Variants in DLG2 observed in about 807,000 individuals in gnomAD.
DLG2 encodes the protein discs large MAGUK scaffold protein 2.
In DLG2, 45 loss-of-function variants were observed where a neutral mutation model predicts 132.5. The observed-to-expected ratio is 0.34, with a 90% confidence interval of 0.27 to 0.44. The LOEUF is 0.44. DLG2 is among the 20% of genes least tolerant of loss of function. The pLI, the probability that DLG2 is intolerant of heterozygous loss-of-function variation, is 1.00. For synonymous variants in DLG2, 424 were observed against 419.6 expected (o/e 1.01, Z -0.13); for missense variants, 1,045 against 1,196.9 (o/e 0.87, Z 1.87).
At chr11:83,886,334 A>T (rs866381254) in intron 15 of DLG2, among the ~76,000 whole-genome samples, 168 of 152,330 alleles carry the variant, frequency 1.1e-3, no homozygotes, top group African/African-American at 3.8e-3. Flanking sequence ...ACCAACAAAG[A>T]TCAAAAGAGA....
chr11:84,168,940 T>C (rs2095745703), intron 8 of DLG2, among the ~76,000 whole-genome samples: 2 of 152,156 alleles, frequency 1.3e-5, no homozygotes, highest in South Asian at 2.1e-4. Context: ...ATAGTAAATA[T>C]GTCATGATGC....
At chr11:85,605,885 A>T (rs2080497404) in intron 2 of DLG2, among the ~76,000 whole-genome samples, 1 of 152,156 alleles carries the variant, frequency 6.6e-6, no homozygotes, top group African/African-American at 2.4e-5. Flanking sequence ...AGGCTGAGGC[A>T]GGAAATCACT....
intron 7 of DLG2, among the ~76,000 whole-genome samples, chr11:84,256,918 G>A (rs1334385879): frequency 1.3e-5 from 2 of 152,162 alleles, no homozygotes; most frequent in Admixed American, 6.5e-5. Flanking sequence ...AAGATAGCAT[G>A]CTAGCAAACT....
At chr11:84,610,759 G>T (rs916248661) in intron 6 of DLG2, among the ~76,000 whole-genome samples, 4 of 151,986 alleles carry the variant, frequency 2.6e-5, no homozygotes, top group African/African-American at 9.7e-5. Context: ...CAACCCAAGG[G>T]TAACAGCTTG....
chr11:84,749,986 T>G (rs540594894), intron 6 of DLG2, among the ~76,000 whole-genome samples: 7 of 152,112 alleles, frequency 4.6e-5, no homozygotes, highest in Non-Finnish European at 1.0e-4. Flanking sequence ...TCTCAGCAAA[T>G]ATTTGTGTTT....
chr11:83,800,201 C>T (rs2043981313), intron 17 of DLG2, among the ~76,000 whole-genome samples: 1 of 152,134 alleles, frequency 6.6e-6, no homozygotes, highest in African/African-American at 2.4e-5. Context: ...TGCTGAGTTC[C>T]AGTCATGCTG....
intron 7 of DLG2, among the ~76,000 whole-genome samples, chr11:84,433,273 G>T (rs2098990258): frequency 6.6e-6 from 1 of 152,104 alleles, no homozygotes; most frequent in Non-Finnish European, 1.5e-5. Context: ...GGGAAGTGAA[G>T]GTTCACAAGT....
chr11:84,308,073 G>T (rs1398917583), intron 7 of DLG2, among the ~76,000 whole-genome samples: 1 of 152,156 alleles, frequency 6.6e-6, no homozygotes, highest in African/African-American at 2.4e-5. Flanking sequence ...CGCAGAAGTA[G>T]ACCCCAGCAG....
chr11:84,452,619 G>T (rs145952206), intron 7 of DLG2, among the ~76,000 whole-genome samples: 1 of 151,732 alleles, frequency 6.6e-6, no homozygotes, highest in Non-Finnish European at 1.5e-5. Flanking sequence ...CCAACAGATT[G>T]TATGCTACAC....
chr11:84,587,633 T>C (rs550670239), intron 6 of DLG2, among the ~76,000 whole-genome samples: 29 of 152,270 alleles, frequency 1.9e-4, no homozygotes, highest in African/African-American at 7.0e-4. Context: ...CCCCAGTGCA[T>C]CTGATGGCAG....
chr11:85,587,731 C>T (rs1026298323), intron 3 of DLG2, among the ~76,000 whole-genome samples: 2 of 152,168 alleles, frequency 1.3e-5, no homozygotes, highest in East Asian at 1.9e-4. Flanking sequence ...TTTTATTCAT[C>T]GTGCTAGCTG....
chr11:84,867,353 A>G (rs1469270098), intron 6 of DLG2, among the ~76,000 whole-genome samples: 2 of 152,212 alleles, frequency 1.3e-5, no homozygotes, highest in Non-Finnish European at 2.9e-5. Context: ...AGCTTGTTGC[A>G]GAGAATGAGC....
At chr11:84,737,917 G>A (rs1392774447) in intron 6 of DLG2, among the ~76,000 whole-genome samples, 2 of 152,024 alleles carry the variant, frequency 1.3e-5, no homozygotes, top group Non-Finnish European at 2.9e-5. Flanking sequence ...ATACTAAAAA[G>A]TAATATAGTG....
At chr11:85,036,884 A>G (rs971000928) in intron 6 of DLG2, among the ~76,000 whole-genome samples, 1 of 152,202 alleles carries the variant, frequency 6.6e-6, no homozygotes, top group African/African-American at 2.4e-5. Flanking sequence ...AGTGCTGATC[A>G]GTTACAAGTA....
chr11:84,331,452 A>AT (rs72303339), intron 7 of DLG2, among the ~76,000 whole-genome samples: 7,539 of 144,458 alleles, frequency 0.052, 342 homozygotes, highest in East Asian at 0.2. Context: ...AAAAAAAAAA[A>AT]AAAAAAAAAT....
chr11:84,650,893 A>ATG (rs755133690), intron 6 of DLG2, among the ~76,000 whole-genome samples: 8,775 of 145,158 alleles, frequency 0.06, 351 homozygotes, highest in South Asian at 0.1. Flanking sequence ...ATATATATAT[A>ATG]TATATATAAA....
chr11:83,816,597 G>T (rs768012986), intron 17 of DLG2, among the ~76,000 whole-genome samples: 1 of 152,046 alleles, frequency 6.6e-6, no homozygotes, highest in African/African-American at 2.4e-5. Context: ...TTATCACAGA[G>T]AATCTAGGTT....
At chr11:84,897,160 C>A (rs977585239) in intron 6 of DLG2, among the ~76,000 whole-genome samples, 1 of 150,872 alleles carries the variant, frequency 6.6e-6, no homozygotes, top group African/African-American at 2.4e-5. Flanking sequence ...ATATATATAC[C>A]CCTAAATAAT....
At chr11:85,421,625 G>T in intron 3 of DLG2, among the ~76,000 whole-genome samples, 1 of 151,932 alleles carries the variant, frequency 6.6e-6, no homozygotes, top group East Asian at 1.9e-4. Context: ...CTGCAATTCT[G>T]TATCTTTTAA....
Sources: allele counts gnomAD v4.1 joint callset (sites outside exome capture counted in the v4.1 genomes callset), GRCh38; gene constraint gnomAD v4.1.1; transcripts MANE v1.5; gene names NCBI Gene and HGNC (gene_info 2026-07-23, HGNC 2026-07-21).